QSOX2: variants seen among roughly 807,000 people sequenced by gnomAD.
The protein encoded by QSOX2 is sulfhydryl oxidase 2.
In QSOX2, 46 loss-of-function variants were observed where a neutral mutation model predicts 61.7. The observed-to-expected ratio is 0.75, with a 90% CI of 0.59 to 0.95. The LOEUF is 0.95. Ranked by LOEUF, QSOX2 falls within the 40% of genes least tolerant of loss-of-function variation. The pLI, the probability that QSOX2 is intolerant of heterozygous loss-of-function variation, is 0.00. For synonymous variants in QSOX2, 383 were observed against 388.4 expected, an observed-to-expected ratio of 0.99 and a Z score of 0.16; for missense variants, 879 against 918.9, an observed-to-expected ratio of 0.96 and a Z score of 0.56.
intron 11 of QSOX2, chr9:136,210,371 T>TG (rs1204565806): frequency 2.0e-6 from 2 of 985,340 alleles, no homozygotes; most frequent in African/African-American, 3.5e-5. Context: ...ACTGGGGTAG[T>TG]GGGGGCACAT....
rs1831981912 is a variant in QSOX2, at chr9:136,221,646, C to G, written c.821+150G>C. 1.3e-6 allele frequency: 1 copy of G among 746,904 alleles called. No homozygotes were observed. The highest frequency in any genetic ancestry group is 3.4e-5 in the Admixed American group (1 of 29,556). 46.3% of individuals were successfully genotyped at this position (746,904 alleles called of 1,614,324 possible). A position where few individuals can be genotyped will look rare whatever the true frequency, so the allele number is the denominator to read the frequency against. Reference sequence around the variant, plus strand: ...AGCACAGATCAGCAATACCCACGGGCTGAGAGCCAGGGCCCAAATCTGCCC... The same window carrying G: ...AGCACAGATCAGCAATACCCACGGGGTGAGAGCCAGGGCCCAAATCTGCCC... On this transcript the variant is annotated intron_variant, in intron 6 of 11. Coordinates refer to ENST00000358701, the MANE Select transcript of QSOX2 (RefSeq NM_181701.4). The surrounding 1 kb of genome is among the most constrained non-coding windows in gnomAD (Gnocchi z 4.5).
At position 136,218,757 on chromosome 9, in the gene QSOX2, C is replaced by T. The variant is rs377647134; in HGVS notation, c.1008G>A (p.Arg336=). The change falls in exon 8 of 12, where the codon CGG becomes CGA. Residue 336 remains arginine (R), a synonymous_variant. Coordinates refer to ENST00000358701, the MANE Select transcript of QSOX2 (RefSeq NM_181701.4). ...DLESGLHYLL[R]VELAAHKSLA... is the part of the protein sequence containing the mutation. ...GGGACTTGTGGGCTGCCAGCTCCAC[C>T]CGCAGGAGGTAGTGTAGCCCTGACT... is the stretch of plus-strand genomic sequence containing the variant. 1 of 1,613,548 alleles carries T rather than the reference C, an allele frequency of 6.2e-7. No individual in the cohort carries two copies. Among genetic ancestry groups the T allele is most frequent in the Non-Finnish European group, 8.5e-7 (1 of 1,180,042 alleles).
intron 10 of QSOX2, among the ~76,000 whole-genome samples, chr9:136,214,586 T>C (rs1188667476): frequency 2.0e-5 from 3 of 152,222 alleles, no homozygotes; most frequent in African/African-American, 7.2e-5. Flanking sequence ...CCCTGCTCTC[T>C]GCCCCATGAG....
At chr9:136,237,076 C>A (rs2131068218) in intron 1 of QSOX2, among the ~76,000 whole-genome samples, 1 of 137,508 alleles carries the variant, frequency 7.3e-6, no homozygotes, top group African/African-American at 2.8e-5. Flanking sequence ...ACACCTGGTG[C>A]CCGTCCTGTG....
intron 1 of QSOX2, among the ~76,000 whole-genome samples, chr9:136,239,740 G>A (rs893016405): frequency 3.9e-5 from 6 of 152,174 alleles, no homozygotes; most frequent in African/African-American, 1.4e-4. Flanking sequence ...GGCACCCCAC[G>A]TCGCCTTTGT....
chr9:136,220,319 C>A (rs1384799769), intron 6 of QSOX2, among the ~76,000 whole-genome samples: 1 of 152,218 alleles, frequency 6.6e-6, no homozygotes, highest in Non-Finnish European at 1.5e-5. Context: ...GTGAGCCTGG[C>A]CTCTTTTTCA....
chr9:136,230,379 G>A (rs1312354007), intron 1 of QSOX2, among the ~76,000 whole-genome samples: 1 of 152,232 alleles, frequency 6.6e-6, no homozygotes, highest in Non-Finnish European at 1.5e-5. Context: ...CAGCCCTGCA[G>A]TAAACAACTC....
intron 1 of QSOX2, among the ~76,000 whole-genome samples, chr9:136,230,371 G>A (rs1830319224): frequency 6.6e-6 from 1 of 152,222 alleles, no homozygotes; most frequent in South Asian, 2.1e-4. Context: ...ATGGCTGTCA[G>A]CCCTGCAGTA....
At position 136,208,557 on chromosome 9, in the gene QSOX2, G is replaced by T; in HGVS notation, c.*171C>A. On this transcript the variant is annotated 3_prime_UTR_variant, in exon 12 of 12. Coordinates refer to ENST00000358701, the MANE Select transcript of QSOX2 (RefSeq NM_181701.4). ...CAAAATTACCCCGTGTTCTTCCCTT[G>T]TTAGAAGAGCGTTTGTAAAACCAGG... The T allele has an allele frequency of 2.8e-6, 2 of 710,632 alleles. No individual in the cohort carries two copies. Among genetic ancestry groups the T allele is most frequent in the Non-Finnish European group, 4.4e-6 (2 of 452,620 alleles). The allele number at this position is 710,632 out of a possible 1,614,324, so 44.0% of individuals were successfully genotyped here.
Position 136,219,156 on chromosome 9 carries a change from G to C in QSOX2, c.830C>G (p.Pro277Arg). The C allele has an allele frequency of 3.1e-6, 5 of 1,613,612 alleles. No individual in the cohort carries two copies. The highest frequency in any genetic ancestry group is 4.2e-6 in the Non-Finnish European group (5 of 1,179,840). ...GSHGLINVVKPLRAFFSSYLK... is the reference protein window; with the variant it reads ...GSHGLINVVKRLRAFFSSYLK... ...ATAAGACGAAAAGAAGGCCCGCAGAGGCTTCACGCTGTGAGAGAGGGGAGG... is the reference window on the plus strand; with the variant it reads ...ATAAGACGAAAAGAAGGCCCGCAGACGCTTCACGCTGTGAGAGAGGGGAGG... Residue 277 changes from proline to arginine, a missense_variant, in exon 7 of 12, where the codon CCT (proline) becomes CGT (arginine). Transcript: ENST00000358701.
In QSOX2 at chr9:136,208,293, G is replaced by GAGGGTGCAGGGAGGGCCAAGGT. The variant is rs1554755634; in HGVS notation, c.*434_*435insACCTTGGCCCTCCCTGCACCCT. On this transcript the variant is annotated 3_prime_UTR_variant, in exon 12 of 12. Transcript: ENST00000358701. ...GGGGGGAGGGGGAGCGAGGGGAGTGGGGGGGAGCCAGGAGCCGCGGGGGGG... is the reference window on the plus strand; with the variant it reads ...GGGGGGAGGGGGAGCGAGGGGAGTGGAGGGTGCAGGGAGGGCCAAGGTGGGGGAGCCAGGAGCCGCGGGGGGG... 18 of 132,696 alleles carry GAGGGTGCAGGGAGGGCCAAGGT rather than the reference G, an allele frequency of 1.4e-4. No individual in the cohort carries two copies. Among genetic ancestry groups the GAGGGTGCAGGGAGGGCCAAGGT allele is most frequent in the Non-Finnish European group, 2.1e-4 (13 of 61,344 alleles). 8.2% of individuals were successfully genotyped at this position (132,696 alleles called of 1,614,324 possible).
At position 136,223,715 on chromosome 9, in the gene QSOX2, C is replaced by T. The variant is rs773151876; in HGVS notation, c.675+48G>A. On this transcript the variant is annotated intron_variant, in intron 5 of 11. Coordinates refer to ENST00000358701, the MANE Select transcript of QSOX2 (RefSeq NM_181701.4). This position sits in a 1 kb window ranked among gnomAD's most constrained non-coding sequence, Gnocchi z 4.4. ...AATCTCATCACAGATCCACCGCCAA[C>T]CCCAATCACACCACGTGTGACACCT... The T allele has an allele frequency of 6.7e-7, 1 of 1,487,748 alleles. No homozygotes were observed. Among genetic ancestry groups the T allele is most frequent in the South Asian group, 1.1e-5 (1 of 87,206 alleles). 92.2% of individuals were successfully genotyped at this position (1,487,748 alleles called of 1,614,324 possible).
intron 1 of QSOX2, among the ~76,000 whole-genome samples, chr9:136,236,990 G>GTGCC: frequency 6.8e-6 from 1 of 146,312 alleles, no homozygotes; most frequent in African/African-American, 2.6e-5. Context: ...TCCTGGGCCG[G>GTGCC]CGTCACCTGG....
At chr9:136,237,894 A>C (rs1830403492) in intron 1 of QSOX2, among the ~76,000 whole-genome samples, 2 of 152,276 alleles carry the variant, frequency 1.3e-5, no homozygotes, top group Non-Finnish European at 2.9e-5. Context: ...GGACTGCTGA[A>C]GGAAAGGGTG....
chr9:136,208,717 C>A lies in QSOX2; in HGVS notation c.*11G>T. On this transcript the variant is annotated 3_prime_UTR_variant, in exon 12 of 12. Coordinates refer to ENST00000358701, the MANE Select transcript of QSOX2 (RefSeq NM_181701.4). The stretch of plus-strand genomic sequence containing the variant: ...AGGGAGCTTCCGCCGTGGCTGGCAG[C>A]ACCCGGGCACTCACACGGCCGGGTG... 6.3e-7 allele frequency: 1 copy of A among 1,593,334 alleles called. No homozygotes were observed. Among genetic ancestry groups the A allele is most frequent in the Non-Finnish European group, 8.6e-7 (1 of 1,166,282 alleles).
At chr9:136,211,490 G>A (rs777835246) in intron 10 of QSOX2, 38 bp from the exon 11 acceptor site, 15 of 1,601,758 alleles carry the variant, frequency 9.4e-6, no homozygotes, top group African/African-American at 8.0e-5. Flanking sequence ...CGGCAGGTGC[G>A]TGGGCATCAC....
Position 136,208,570 on chromosome 9 carries a change from T to C in QSOX2, c.*158A>G, listed in dbSNP as rs1046136515. The C allele has an allele frequency of 2.6e-6, 2 of 765,940 alleles. No individual in the cohort carries two copies. Among genetic ancestry groups the C allele is most frequent in the Non-Finnish European group, 3.9e-6 (2 of 515,990 alleles). 47.4% of individuals were successfully genotyped at this position (765,940 alleles called of 1,614,324 possible). A position where few individuals can be genotyped will look rare whatever the true frequency, so the allele number is the denominator to read the frequency against. The stretch of plus-strand genomic sequence containing the variant: ...TGTTCTTCCCTTGTTAGAAGAGCGT[T>C]TGTAAAACCAGGACTTTGAAGCCAA... On this transcript the variant is annotated 3_prime_UTR_variant, in exon 12 of 12. Coordinates refer to ENST00000358701, the MANE Select transcript of QSOX2 (RefSeq NM_181701.4).
chr9:136,213,243 GTTTTTTTTT>G (rs398046934), intron 10 of QSOX2, among the ~76,000 whole-genome samples: 1 of 111,046 alleles, frequency 9.0e-6, no homozygotes, highest in Admixed American at 9.6e-5. Context: ...GTTTTGTTGT[GTTTTTTTTT>G]TTTTTTTTTT....
intron 1 of QSOX2, among the ~76,000 whole-genome samples, chr9:136,227,418 T>C (rs1251019589): frequency 6.6e-6 from 1 of 152,210 alleles, no homozygotes; most frequent in Non-Finnish European, 1.5e-5. Context: ...CTGGAACACC[T>C]ATGCCATTTT....
Sources: gnomAD v4.1 joint callset for allele counts (sites outside exome capture counted in the v4.1 genomes callset) on GRCh38, gnomAD v4.1.1 for gene constraint, Gnocchi (gnomAD v3.1) non-coding constraint, MANE v1.5 for transcripts, NCBI Gene and HGNC (gene_info 2026-07-23, HGNC 2026-07-21) for gene names.